Variants in FRMPD4 observed in about 807,000 individuals in gnomAD.
FRMPD4 encodes the protein FERM and PDZ domain containing 4.
FRMPD4 carries 22 observed loss-of-function variants against 94.1 expected under a neutral mutation model. The ratio of observed to expected loss-of-function variants is 0.23; its 90% CI spans 0.17 to 0.33. The LOEUF is 0.33. Ranked by LOEUF, FRMPD4 falls within the 10% of genes least tolerant of loss-of-function variation. FRMPD4 has a pLI of 1.00. For missense variants in FRMPD4, 1,111 were observed against 1,339.9 expected, an observed-to-expected ratio of 0.83 and a Z score of 2.67; for synonymous variants, 631 against 548.6, an observed-to-expected ratio of 1.15 and a Z score of -2.10.
At chrX:12,283,999 A>G (rs2054563902) in intron 1 of FRMPD4, among the ~76,000 whole-genome samples, 1 of 112,233 alleles carries the variant, frequency 8.9e-6, no homozygotes, top group Non-Finnish European at 1.9e-5. Context: ...AAAACTACAC[A>G]TGAACCTAAT....
intron 7 of FRMPD4, among the ~76,000 whole-genome samples, chrX:12,688,303 T>A (rs1314642005): frequency 8.9e-6 from 1 of 112,145 alleles, no homozygotes; most frequent in Non-Finnish European, 1.9e-5. Context: ...TTGAATGCAT[T>A]TCTTAACAGA....
chrX:12,463,681 G>GTGTTTTTTTTGTT (rs1555969426), intron 1 of FRMPD4, among the ~76,000 whole-genome samples: 1 of 51,046 alleles, frequency 2.0e-5, no homozygotes, highest in Non-Finnish European at 3.4e-5. Context: ...CTATGTGTGT[G>GTGTTTTTTTTGTT]TTTTTTTTTT....
intron 1 of FRMPD4, among the ~76,000 whole-genome samples, chrX:12,139,213 A>G (rs2055652084): frequency 9.0e-6 from 1 of 110,734 alleles, no homozygotes; most frequent in African/African-American, 3.3e-5. Flanking sequence ...TAGACCACAC[A>G]CAGAGAGGTA....
chrX:12,702,243 TG>T (rs2041799358), intron 10 of FRMPD4, among the ~76,000 whole-genome samples: 1 of 112,540 alleles, frequency 8.9e-6, no homozygotes, highest in Non-Finnish European at 1.9e-5. Context: ...CATAAATTTT[TG>T]AATTCCTAAA....
At chrX:12,024,630 A>G (rs1026003226) in intron 3 of FRMPD4, among the ~76,000 whole-genome samples, 5 of 112,110 alleles carry the variant, frequency 4.5e-5, no homozygotes, top group African/African-American at 1.3e-4. Context: ...GCTGTTGTAT[A>G]CTTCTTCCTG....
Position 12,718,390 on chromosome X carries a change from C to A in FRMPD4, c.3564C>A (p.Ala1188=). The change falls in exon 16 of 17, where the codon GCC becomes GCA. Residue 1188 remains alanine (A), a synonymous_variant. Coordinates refer to ENST00000675598, the MANE Select transcript of FRMPD4 (RefSeq NM_001368397.1). ...SKLPEADESV[A]RLCDYHLAKR... is the part of the protein sequence containing the mutation. ...TTCCTGAGGCTGATGAGAGTGTGGC[C>A]CGCCTTTGTGACTACCACTTGGCCA... The A allele has an allele frequency of 4.1e-6, 5 of 1,211,873 alleles. No individual in the cohort carries two copies. Among genetic ancestry groups the A allele is most frequent in the Non-Finnish European group, 5.6e-6 (5 of 895,442 alleles).
intron 1 of FRMPD4, among the ~76,000 whole-genome samples, chrX:12,261,076 C>T (rs146961967): frequency 9.0e-6 from 1 of 111,271 alleles, no homozygotes; most frequent in Non-Finnish European, 1.9e-5. Context: ...GTCCCAGTAC[C>T]GACCTAACAT....
At chrX:12,612,357 G>A (rs1815045930) in intron 3 of FRMPD4, among the ~76,000 whole-genome samples, 1 of 111,786 alleles carries the variant, frequency 8.9e-6, no homozygotes, top group South Asian at 3.7e-4. Flanking sequence ...GTAGAAAAAA[G>A]GTAAAAACAA....
intron 3 of FRMPD4, among the ~76,000 whole-genome samples, chrX:11,988,585 G>A (rs2054446310): frequency 9.1e-6 from 1 of 109,987 alleles, no homozygotes; most frequent in Non-Finnish European, 1.9e-5. Flanking sequence ...AACAACCAAA[G>A]CAAAAATGGA....
chrX:12,096,154 CATT>C (rs746424482), intron 3 of FRMPD4, among the ~76,000 whole-genome samples: 4 of 112,587 alleles, frequency 3.6e-5, no homozygotes, highest in South Asian at 3.7e-4. Flanking sequence ...CTTCTTAAAA[CATT>C]ATATCGGAAA....
intron 1 of FRMPD4, among the ~76,000 whole-genome samples, chrX:11,832,423 C>G (rs756479883): frequency 9.0e-5 from 10 of 111,594 alleles, no homozygotes; most frequent in Non-Finnish European, 1.5e-4. Flanking sequence ...CCAGCACAGA[C>G]GAGATGACCT....
intron 1 of FRMPD4, among the ~76,000 whole-genome samples, chrX:11,847,696 G>A (rs113549428): frequency 6.3e-5 from 7 of 110,491 alleles, no homozygotes; most frequent in African/African-American, 2.3e-4. Context: ...GGAATACTAT[G>A]TAGCCATAAA....
chrX:12,349,698 G>A (rs1391973389), intron 1 of FRMPD4, among the ~76,000 whole-genome samples: 1 of 111,886 alleles, frequency 8.9e-6, no homozygotes, highest in Non-Finnish European at 1.9e-5. Context: ...ATCATGTGAA[G>A]TAGGATTACA....
In FRMPD4 at chrX:12,720,960, G is replaced by A; in HGVS notation, c.4391G>A (p.Ser1464Asn). 1.3e-6 allele frequency: 1 copy of A among 782,051 alleles called. No individual in the cohort carries two copies. Among genetic ancestry groups the A allele is most frequent in the Non-Finnish European group, 1.5e-6 (1 of 656,218 alleles). The allele number at this position is 782,051 out of a possible 1,213,427, so 64.4% of individuals were successfully genotyped here. A position where few individuals can be genotyped will look rare whatever the true frequency, so the allele number is the denominator to read the frequency against. Residue 1464 changes from serine to asparagine, a missense_variant, in exon 17 of 17, where the codon AGC becomes AAC. This residue lies in a region of FRMPD4 where 551 missense variants were observed against 591.6 expected (regional missense o/e 0.93). Transcript: ENST00000675598. Reference protein sequence around the residue: ...KSFSQSSMHLSSEGRFHKRSP... With the variant: ...KSFSQSSMHLNSEGRFHKRSP... ...TTTTCCCAAAGCTCAATGCACTTGA[G>A]CTCTGAGGGGAGGTTTCACAAAAGG...
chrX:11,956,431 A>G (rs1244999301), intron 3 of FRMPD4, among the ~76,000 whole-genome samples: 1 of 112,155 alleles, frequency 8.9e-6, no homozygotes, highest in African/African-American at 3.2e-5. Context: ...AACATTTTCT[A>G]TTCTAATGTA....
chrX:12,631,207 A>T (rs908690282), intron 4 of FRMPD4, among the ~76,000 whole-genome samples: 1 of 111,611 alleles, frequency 9.0e-6, no homozygotes, highest in Non-Finnish European at 1.9e-5. Flanking sequence ...AGTTTGGCTG[A>T]GCATATTGCC....
intron 2 of FRMPD4, among the ~76,000 whole-genome samples, chrX:12,595,005 C>T (rs1044639338): frequency 2.7e-5 from 3 of 111,867 alleles, no homozygotes; most frequent in African/African-American, 9.8e-5. Context: ...AATGAATGTG[C>T]TAATACATAT....
chrX:12,425,116 T>C (rs972228039), intron 1 of FRMPD4, among the ~76,000 whole-genome samples: 2 of 112,685 alleles, frequency 1.8e-5, no homozygotes, highest in Non-Finnish European at 3.7e-5. Flanking sequence ...TGTTGCCTTC[T>C]TCACAAGACA....
intron 3 of FRMPD4, among the ~76,000 whole-genome samples, chrX:11,948,463 A>G (rs1042376886): frequency 1.8e-5 from 2 of 111,869 alleles, no homozygotes; most frequent in African/African-American, 3.3e-5. Flanking sequence ...TTCAGCCTCC[A>G]GAACTGTGAA....
Sources: allele counts gnomAD v4.1 joint callset (sites outside exome capture counted in the v4.1 genomes callset), GRCh38; gene constraint gnomAD v4.1.1; regional missense constraint gnomAD v4.1.1; transcripts MANE v1.5; gene names NCBI Gene and HGNC (gene_info 2026-07-23, HGNC 2026-07-21).